CYP20A1: variants seen among roughly 807,000 people sequenced by gnomAD.
CYP20A1 encodes cytochrome P450 20A1.
A neutral mutation model predicts 61.4 loss-of-function variants in CYP20A1; 61 were observed. The ratio of observed to expected loss-of-function variants is 0.99; its 90% CI spans 0.81 to 1.23. CYP20A1 has a LOEUF of 1.23. CYP20A1 is among the 50% of genes most tolerant of loss of function. CYP20A1 has a pLI of 0.00. For synonymous variants in CYP20A1, 193 were observed against 188.2 expected (o/e 1.03, Z -0.21); for missense variants, 530 against 542.4 (o/e 0.98, Z 0.23).
chr2:203,299,214 T>C lies in CYP20A1; in HGVS notation c.*2306T>C, dbSNP rs879005065. Among the ~76,000 whole-genome samples, 2 of 152,116 alleles carry C rather than the reference T, an allele frequency of 1.3e-5. No homozygotes were observed. Among genetic ancestry groups the C allele is most frequent in the Admixed American group, 1.3e-4 (2 of 15,258 alleles). On this transcript the variant is annotated 3_prime_UTR_variant, in exon 13 of 13. Coordinates refer to ENST00000356079, the MANE Select transcript of CYP20A1 (RefSeq NM_177538.3). ...CTGTAGGAAATATGCCAAGTACAGA[T>C]AGTGAGGAAAGAAAGGAAGAAAAAT...
At chr2:203,295,791 A>T (rs887267207) in intron 11 of CYP20A1, among the ~76,000 whole-genome samples, 1 of 152,054 alleles carries the variant, frequency 6.6e-6, no homozygotes, top group Non-Finnish European at 1.5e-5. Context: ...TCTACTAAAA[A>T]TAAAAAAATT....
At position 203,266,667 on chromosome 2, in the gene CYP20A1, A is replaced by T. The variant is rs757575013; in HGVS notation, c.586A>T (p.Lys196Ter). The T allele has an allele frequency of 6.2e-7, 1 of 1,613,996 alleles. No individual in the cohort carries two copies. Among genetic ancestry groups the T allele is most frequent in the Non-Finnish European group, 8.5e-7 (1 of 1,179,886 alleles). The change falls in exon 5 of 13, where the codon AAG becomes TAG. Residue 196 changes from lysine to a stop codon, truncating the protein, a stop_gained. Transcript: ENST00000356079. LOFTEE classifies it high-confidence loss of function. Reference protein sequence around the residue: ...EDDQEVIRFQKNHGTVWSEIG... With the variant: ...EDDQEVIRFQ ...TGATCAGGAAGTCATTCGCTTCCAG[A>T]AGAATCATGGCACAGTAAGTCTGGG...
At chr2:203,242,131 C>A (rs1034756425) in intron 1 of CYP20A1, among the ~76,000 whole-genome samples, 1 of 152,086 alleles carries the variant, frequency 6.6e-6, no homozygotes, top group East Asian at 1.9e-4. Flanking sequence ...CATGAGCCAC[C>A]GTGCCCAACC....
chr2:203,294,695 T>C (rs1407227096), intron 11 of CYP20A1, among the ~76,000 whole-genome samples: 1 of 150,714 alleles, frequency 6.6e-6, no homozygotes. Context: ...AGTGCAGTGG[T>C]GCAATCTTGG....
chr2:203,254,991 CA>C lies in CYP20A1; in HGVS notation c.432+2893del, dbSNP rs112141080. The stretch of plus-strand genomic sequence containing the variant: ...GGGTAACAGAGTGAGACTCCGTCTC[CA>C]AAAAAAAAAAGAGGAAAAAAGAAAA... On this transcript the variant is annotated intron_variant, in intron 4 of 12. Transcript: ENST00000356079. Among the ~76,000 whole-genome samples, 141 of 131,290 alleles carry C rather than the reference CA, an allele frequency of 1.1e-3. 1 individual carries two copies. The highest frequency in any genetic ancestry group is 2.6e-3 in the East Asian group (12 of 4,648). The allele number at this position is 131,290 out of a possible 152,430, so 86.1% of individuals were successfully genotyped here.
chr2:203,250,930 GGCA>G (rs2066642904), intron 3 of CYP20A1, among the ~76,000 whole-genome samples: 1 of 151,808 alleles, frequency 6.6e-6, no homozygotes, highest in South Asian at 2.1e-4. Context: ...CGGGCATGCT[GGCA>G]GGAGCCTGTA....
intron 4 of CYP20A1, among the ~76,000 whole-genome samples, chr2:203,256,211 C>T (rs560029225): frequency 1.7e-4 from 26 of 152,102 alleles, no homozygotes; most frequent in Non-Finnish European, 3.4e-4. Flanking sequence ...TCAAGTGTTC[C>T]TCCCACCTTC....
At chr2:203,240,989 T>TC (rs1357875253) in intron 1 of CYP20A1, among the ~76,000 whole-genome samples, 1 of 152,186 alleles carries the variant, frequency 6.6e-6, no homozygotes, top group Non-Finnish European at 1.5e-5. Context: ...GCAAGCCAAG[T>TC]AATTAGGAGG....
At chr2:203,278,484 C>T (rs1464978324) in intron 6 of CYP20A1, 89 bp from the exon 7 acceptor site, 2 of 518,084 alleles carry the variant, frequency 3.9e-6, no homozygotes, top group Non-Finnish European at 6.7e-6. Context: ...AGGTTTTCTT[C>T]ATATAGTAAC....
Position 203,266,731 on chromosome 2 carries a change from G to A in CYP20A1, c.600+50G>A. 2 of 1,497,662 alleles carry A rather than the reference G, an allele frequency of 1.3e-6. 1 individual carries two copies. The highest frequency in any genetic ancestry group is 1.9e-6 in the Non-Finnish European group (2 of 1,076,724). 92.8% of individuals were successfully genotyped at this position (1,497,662 alleles called of 1,614,324 possible). ...TTACTCTTTCAGGCTGGGCACGGCA[G>A]CTCACACCTGTAATCCCAGCACTTT... On this transcript the variant is annotated intron_variant, in intron 5 of 12. Coordinates refer to ENST00000356079, the MANE Select transcript of CYP20A1 (RefSeq NM_177538.3).
intron 1 of CYP20A1, among the ~76,000 whole-genome samples, chr2:203,242,206 G>A (rs1033157043): frequency 1.1e-4 from 16 of 152,102 alleles, no homozygotes; most frequent in African/African-American, 1.4e-4. Flanking sequence ...GGCTGGTCTC[G>A]AACTTCTGGG....
At chr2:203,278,168 G>A (rs113043281) in intron 6 of CYP20A1, among the ~76,000 whole-genome samples, 5,711 of 152,182 alleles carry the variant, frequency 0.038, 350 homozygotes, top group African/African-American at 0.13. Flanking sequence ...CAGCTACTTG[G>A]GAGGCTGAGA....
chr2:203,245,876 A>T lies in CYP20A1; in HGVS notation c.103A>T (p.Ile35Phe), dbSNP rs534768517. 4 of 1,602,032 alleles carry T rather than the reference A, an allele frequency of 2.5e-6. No individual in the cohort carries two copies. The African/African-American group carries it at 5.4e-5, about 21-fold the overall frequency. ...ASRQAAGIPG[I>F]TPTEEKDGNL... ...CAGACAAGCTGCAGGAATTCCAGGG[A>T]TTACTCCAACTGAAGAAAAGTGAGT... is the stretch of plus-strand genomic sequence containing the variant. The change falls in exon 2 of 13, where the codon ATT becomes TTT. Residue 35 changes from isoleucine to phenylalanine, a missense_variant. Ile to Phe is a conservative substitution (Grantham distance 21). Transcript: ENST00000356079.
rs138248522 is a variant in CYP20A1, at chr2:203,289,852, T to G, written c.1059T>G (p.Ile353Met). Residue 353 changes from isoleucine to methionine, a missense_variant, in exon 10 of 13, where the codon ATT (isoleucine) becomes ATG (methionine). Transcript: ENST00000356079. ...AGCTTCAAGATATTGAAGGAAAAAT[T>G]GACCGATTTATTATTCCTAGAGAGG... Reference protein sequence around the residue: ...SAQLQDIEGKIDRFIIPRETL... With the variant: ...SAQLQDIEGKMDRFIIPRETL... The G allele has an allele frequency of 9.9e-4, 1,572 of 1,586,504 alleles. 13 individuals are homozygous for G. The African/African-American group carries it at 0.018, about 19-fold the overall frequency.
At chr2:203,293,751 T>C (rs993475188) in intron 11 of CYP20A1, among the ~76,000 whole-genome samples, 3 of 152,072 alleles carry the variant, frequency 2.0e-5, no homozygotes, top group African/African-American at 7.2e-5. Context: ...ATCATTCTTA[T>C]GTCTTTACGT....
rs576945162 is a variant in CYP20A1 at position 203,304,358 on chromosome 2, C to A, written c.*7450C>A. Among the ~76,000 whole-genome samples, 1 of 152,082 alleles carries A rather than the reference C, an allele frequency of 6.6e-6. No homozygotes were observed. The highest frequency in any genetic ancestry group is 2.4e-5 in the African/African-American group (1 of 41,436). On this transcript the variant is annotated 3_prime_UTR_variant, in exon 13 of 13. Coordinates refer to ENST00000356079, the MANE Select transcript of CYP20A1 (RefSeq NM_177538.3). ...GACTACAGGCGAGTGCCTCCATGCC[C>A]AGCTAATTTTTTGTATTTTTAGTAG...
In CYP20A1 at chr2:203,305,638, T is replaced by C. The variant is rs2152121388; in HGVS notation, c.*8730T>C. 6.6e-6 allele frequency: 1 copy of C among 152,316 alleles called. No homozygotes were observed. Among genetic ancestry groups the C allele is most frequent in the African/African-American group, 2.4e-5 (1 of 41,560 alleles). The allele number at this position is 152,316 out of a possible 1,614,324, so 9.4% of individuals were successfully genotyped here. ...TTGGTGATTTTTAGAAAAACATATT[T>C]ATCTACATCTAAAATACTTATTTTA... On this transcript the variant is annotated 3_prime_UTR_variant, in exon 13 of 13. Transcript: ENST00000356079.
At chr2:203,263,397 C>G (rs920596685) in intron 4 of CYP20A1, among the ~76,000 whole-genome samples, 1 of 151,508 alleles carries the variant, frequency 6.6e-6, no homozygotes, top group African/African-American at 2.4e-5. Flanking sequence ...TCAAGTGATT[C>G]TCCTGCCTCA....
Position 203,280,071 on chromosome 2 carries a change from A to C in CYP20A1, c.808A>C (p.Ser270Arg), listed in dbSNP as rs373713500. Residue 270 changes from serine (S) to arginine (R), a missense_variant, in exon 8 of 13, where the codon AGT (serine) becomes CGT (arginine). Transcript: ENST00000356079. Reference sequence around the variant, plus strand: ...TTTTGTTTCCTAGATCCTAGAAGACAGTATGATATTTTCTCTGGCCAGTTG... The same window carrying C: ...TTTTGTTTCCTAGATCCTAGAAGACCGTATGATATTTTCTCTGGCCAGTTG... Reference protein sequence around the residue: ...NLNDQQILEDSMIFSLASCII... With the variant: ...NLNDQQILEDRMIFSLASCII... The C allele has an allele frequency of 6.2e-7, 1 of 1,607,626 alleles. No individual in the cohort carries two copies. The highest frequency in any genetic ancestry group is 8.5e-7 in the Non-Finnish European group (1 of 1,177,342).
Sources: gnomAD v4.1 joint callset for allele counts (sites outside exome capture counted in the v4.1 genomes callset) on GRCh38, gnomAD v4.1.1 for gene constraint, MANE v1.5 for transcripts, NCBI Gene and HGNC (gene_info 2026-07-23, HGNC 2026-07-21) for gene names.